Variants in ADCY1 observed in about 807,000 individuals in gnomAD.
The protein encoded by ADCY1 is adenylate cyclase 1, also known as adenylate cyclase type 1.
In ADCY1, 28 loss-of-function variants were observed where a neutral mutation model predicts 105.4. The observed-to-expected ratio is 0.27, with a 90% confidence interval of 0.20 to 0.36. ADCY1 has a LOEUF of 0.36. ADCY1 is among the 10% of genes least tolerant of loss of function. The probability of loss-of-function intolerance (pLI) is 1.00; values close to 1 mark genes in which losing one functional copy is unlikely to be tolerated. For missense variants in ADCY1, 977 were observed against 1,434.2 expected (o/e 0.68, Z 5.15); for synonymous variants, 655 against 623.8 (o/e 1.05, Z -0.75).
At position 45,708,559 on chromosome 7, in the gene ADCY1, C is replaced by T. The variant is rs1472295376; in HGVS notation, c.2932+95C>T. 1 of 961,744 alleles carries T rather than the reference C, an allele frequency of 1.0e-6. No individual in the cohort carries two copies. Among genetic ancestry groups the T allele is most frequent in the East Asian group, 2.5e-5 (1 of 40,336 alleles). The allele number at this position is 961,744 out of a possible 1,614,324, so 59.6% of individuals were successfully genotyped here. A position where few individuals can be genotyped will look rare whatever the true frequency, so the allele number is the denominator to read the frequency against. ...CAGCTGATGAGGTACCCTGGTCTTACAGGAAGGAGGGTGGTGCCACCCAGG... is the reference window on the plus strand; with the variant it reads ...CAGCTGATGAGGTACCCTGGTCTTATAGGAAGGAGGGTGGTGCCACCCAGG... On this transcript the variant is annotated intron_variant, in intron 18 of 19. Transcript: ENST00000297323. The surrounding 1 kb of genome is among the most constrained non-coding windows in gnomAD (Gnocchi z 4.7).
chr7:45,610,545 G>T (rs1224088460), intron 3 of ADCY1, 48 bp downstream of exon 3: 3 of 1,528,618 alleles, frequency 2.0e-6, no homozygotes, highest in South Asian at 1.1e-5. Flanking sequence ...GGAAGCTGAG[G>T]TGTGGAGATA....
At chr7:45,645,093 C>G (rs571832687) in intron 4 of ADCY1, among the ~76,000 whole-genome samples, 2 of 152,184 alleles carry the variant, frequency 1.3e-5, no homozygotes, top group East Asian at 3.9e-4. Flanking sequence ...GACAAGTGTT[C>G]TGGACAATTT....
chr7:45,681,715 G>C (rs1364025940), intron 11 of ADCY1, among the ~76,000 whole-genome samples: 1 of 152,222 alleles, frequency 6.6e-6, no homozygotes, highest in Admixed American at 6.5e-5. Flanking sequence ...CCCTGGGCCA[G>C]GGAAGAGGCC....
At chr7:45,650,928 G>C (rs887027586) in intron 5 of ADCY1, among the ~76,000 whole-genome samples, 4 of 152,128 alleles carry the variant, frequency 2.6e-5, no homozygotes, top group Non-Finnish European at 4.4e-5. Flanking sequence ...TGGTTCACTT[G>C]CTCCATGAAC....
intron 3 of ADCY1, among the ~76,000 whole-genome samples, chr7:45,611,488 GT>G (rs1793590846): frequency 6.6e-6 from 1 of 152,124 alleles, no homozygotes; most frequent in Non-Finnish European, 1.5e-5. Context: ...TATGCTAGTT[GT>G]TGCTGGGTCT....
chr7:45,672,461 T>C (rs1454664108), intron 8 of ADCY1, among the ~76,000 whole-genome samples: 2 of 152,146 alleles, frequency 1.3e-5, no homozygotes, highest in Non-Finnish European at 2.9e-5. Flanking sequence ...GCCTCTTCAT[T>C]TATTTAGATT....
At chr7:45,590,722 T>C (rs1351347035) in intron 1 of ADCY1, among the ~76,000 whole-genome samples, 1 of 151,954 alleles carries the variant, frequency 6.6e-6, no homozygotes, top group Non-Finnish European at 1.5e-5. Context: ...AAGGTCACCT[T>C]CTTGATGCTC....
chr7:45,662,453 G>T (rs1309646017), intron 8 of ADCY1, among the ~76,000 whole-genome samples: 1 of 152,152 alleles, frequency 6.6e-6, no homozygotes, highest in Non-Finnish European at 1.5e-5. Context: ...ATTTATTCCT[G>T]TTTATCCATA....
At chr7:45,661,164 C>A (rs572129205) in intron 7 of ADCY1, among the ~76,000 whole-genome samples, 8 of 152,208 alleles carry the variant, frequency 5.3e-5, no homozygotes, top group Admixed American at 5.2e-4. Context: ...GTCACATTGA[C>A]ATAGACAATA....
chr7:45,625,500 T>C lies in ADCY1; in HGVS notation c.1020+2757T>C, dbSNP rs537212195. ...ATGCATGTGCACACGTGTGTACACA[T>C]GAATGTGTGAACATGGGTGTGCATG... On this transcript the variant is annotated intron_variant, in intron 4 of 19. Coordinates refer to ENST00000297323, the MANE Select transcript of ADCY1 (RefSeq NM_021116.4). 4.6e-5 allele frequency among the ~76,000 whole-genome samples: 7 copies of C among 152,142 alleles called. No homozygotes were observed. In the South Asian group the frequency reaches 1.5e-3, roughly 32 times the overall value.
At position 45,678,083 on chromosome 7, in the gene ADCY1, G is replaced by C. The variant is rs764275615; in HGVS notation, c.1800+20G>C. The C allele has an allele frequency of 6.2e-7, 1 of 1,613,804 alleles. No individual in the cohort carries two copies. The highest frequency in any genetic ancestry group is 8.5e-7 in the Non-Finnish European group (1 of 1,179,850). On this transcript the variant is annotated intron_variant, in intron 9 of 19. Coordinates refer to ENST00000297323, the MANE Select transcript of ADCY1 (RefSeq NM_021116.4). ...CAAAAGGTAAGCAACTCTGGTTTTC[G>C]GCTTCCCTGGTGCTGCTTGCGAAGG...
intron 4 of ADCY1, among the ~76,000 whole-genome samples, chr7:45,627,408 T>G (rs1198498294): frequency 6.6e-6 from 1 of 152,168 alleles, no homozygotes. Context: ...TTCATCACTG[T>G]GTGTGTGGCT....
intron 1 of ADCY1, among the ~76,000 whole-genome samples, chr7:45,587,638 G>A (rs548577277): frequency 2.0e-5 from 3 of 152,286 alleles, no homozygotes; most frequent in South Asian, 2.1e-4. Flanking sequence ...ACTATGGGAC[G>A]TCTTGGGTTG....
Position 45,719,508 on chromosome 7 carries a change from A to G in ADCY1, c.*5513A>G, listed in dbSNP as rs549567950. 6.6e-6 allele frequency: 1 copy of G among 152,340 alleles called. No homozygotes were observed. Among genetic ancestry groups the G allele is most frequent in the South Asian group, 2.1e-4 (1 of 4,826 alleles). The allele number at this position is 152,340 out of a possible 1,614,324, so 9.4% of individuals were successfully genotyped here. On this transcript the variant is annotated 3_prime_UTR_variant, in exon 20 of 20. Transcript: ENST00000297323. ...AACATGCCATTGTGAAATAATGCATATATTTGTATTTTTAAATTTCCCTGA... is the reference window on the plus strand; with the variant it reads ...AACATGCCATTGTGAAATAATGCATGTATTTGTATTTTTAAATTTCCCTGA...
chr7:45,598,972 G>A (rs1278731328), intron 2 of ADCY1, among the ~76,000 whole-genome samples: 2 of 152,234 alleles, frequency 1.3e-5, no homozygotes, highest in East Asian at 1.9e-4. Flanking sequence ...GATTGGGTGG[G>A]CGTCAGGTGG....
In ADCY1 at chr7:45,645,790, G is replaced by A. The variant is rs534627545; in HGVS notation, c.1021-2880G>A. The stretch of plus-strand genomic sequence containing the variant: ...ACCCTCAAAGTCCTTGACGTCCAGA[G>A]CACAGGTCCTTAGAGTTGGGGATTG... On this transcript the variant is annotated intron_variant, in intron 4 of 19. Coordinates refer to ENST00000297323, the MANE Select transcript of ADCY1 (RefSeq NM_021116.4). Among the ~76,000 whole-genome samples the A allele has an allele frequency of 3.3e-5, 5 of 152,246 alleles. 1 individual carries two copies. The South Asian group carries it at 1.0e-3, about 32-fold the overall frequency.
chr7:45,602,020 C>G (rs993164002), intron 2 of ADCY1, among the ~76,000 whole-genome samples: 3 of 151,910 alleles, frequency 2.0e-5, no homozygotes, highest in Non-Finnish European at 4.4e-5. Flanking sequence ...CGAATAGGGA[C>G]GTACTATGGG....
chr7:45,648,893 C>T (rs2116060891), intron 5 of ADCY1, 96 bp downstream of exon 5: 1 of 1,476,082 alleles, frequency 6.8e-7, no homozygotes, highest in Non-Finnish European at 9.2e-7. Context: ...GGGCTCCCCT[C>T]TCAGGGTCTC....
At chr7:45,642,198 C>G (rs1057134034) in intron 4 of ADCY1, among the ~76,000 whole-genome samples, 1 of 152,050 alleles carries the variant, frequency 6.6e-6, no homozygotes. Context: ...TGGCCTTGAG[C>G]CTTCATTGTG....
Sources: allele counts gnomAD v4.1 joint callset (sites outside exome capture counted in the v4.1 genomes callset), GRCh38; gene constraint gnomAD v4.1.1; non-coding constraint Gnocchi (gnomAD v3.1); transcripts MANE v1.5; gene names NCBI Gene and HGNC (gene_info 2026-07-23, HGNC 2026-07-21).